Variants in ANKS1B observed in about 807,000 individuals in gnomAD.
The protein encoded by ANKS1B is ankyrin repeat and sterile alpha motif domain-containing protein 1B.
A neutral mutation model predicts 148.3 loss-of-function variants in ANKS1B; 36 were observed. The observed-to-expected ratio is 0.24, with a 90% CI of 0.19 to 0.32. The LOEUF (loss-of-function observed/expected upper bound fraction) is 0.32, where lower values mean the gene tolerates loss of function less well. Ranked by LOEUF, ANKS1B falls within the 10% of genes least tolerant of loss-of-function variation. ANKS1B has a pLI of 1.00. For synonymous variants in ANKS1B, 542 were observed against 560.8 expected, an observed-to-expected ratio of 0.97 and a Z score of 0.47; for missense variants, 1,157 against 1,542.6, an observed-to-expected ratio of 0.75 and a Z score of 4.19.
At chr12:99,051,992 T>C (rs1302148387) in intron 17 of ANKS1B, among the ~76,000 whole-genome samples, 2 of 152,238 alleles carry the variant, frequency 1.3e-5, no homozygotes, top group Non-Finnish European at 2.9e-5. Flanking sequence ...TTATTTGCTT[T>C]ATCTCTTAGT....
chr12:99,589,363 T>A (rs541636946), intron 9 of ANKS1B, among the ~76,000 whole-genome samples: 1 of 152,170 alleles, frequency 6.6e-6, no homozygotes, highest in Non-Finnish European at 1.5e-5. Flanking sequence ...TTTTATAAAC[T>A]AAAATTATTT....
chr12:99,115,879 C>T (rs2061270161), intron 15 of ANKS1B, among the ~76,000 whole-genome samples: 2 of 149,840 alleles, frequency 1.3e-5, no homozygotes, highest in Admixed American at 1.3e-4. Flanking sequence ...TTGCAGTGAG[C>T]CGAGATTGCA....
At chr12:99,347,844 A>AG (rs1164329801) in intron 12 of ANKS1B, among the ~76,000 whole-genome samples, 1 of 152,174 alleles carries the variant, frequency 6.6e-6, no homozygotes, top group East Asian at 1.9e-4. Flanking sequence ...AGGGAAAAAA[A>AG]GAAATGAATG....
chr12:99,814,691 C>T (rs1421767951), intron 2 of ANKS1B, among the ~76,000 whole-genome samples: 2 of 151,704 alleles, frequency 1.3e-5, no homozygotes, highest in African/African-American at 2.4e-5. Flanking sequence ...AATTAAGTAA[C>T]CTCTGTCTCT....
chr12:99,735,181 T>C (rs2059502388), intron 8 of ANKS1B, among the ~76,000 whole-genome samples: 1 of 152,092 alleles, frequency 6.6e-6, no homozygotes, highest in South Asian at 2.1e-4. Context: ...AGATTTCAAA[T>C]AATCAGTCTA....
chr12:99,132,621 G>T (rs1215792506), intron 15 of ANKS1B, among the ~76,000 whole-genome samples: 1 of 152,064 alleles, frequency 6.6e-6, no homozygotes, highest in Admixed American at 6.6e-5. Context: ...AAAAAAGGGG[G>T]GCTTGAGAGT....
intron 10 of ANKS1B, among the ~76,000 whole-genome samples, chr12:99,463,467 C>T (rs747452311): frequency 1.1e-4 from 17 of 152,202 alleles, no homozygotes; most frequent in East Asian, 3.9e-4. Context: ...ACACCGTGCG[C>T]GAGCCGAAGC....
At chr12:99,023,980 A>G (rs1321658122) in intron 17 of ANKS1B, among the ~76,000 whole-genome samples, 1 of 150,632 alleles carries the variant, frequency 6.6e-6, no homozygotes, top group Non-Finnish European at 1.5e-5. Flanking sequence ...TTAATTATAT[A>G]AAGATTACAT....
In ANKS1B at chr12:99,941,795, C is replaced by A. The variant is rs572018200; in HGVS notation, c.134+42309G>T. ...CTTTATTTCAGCCCTTTCAGAATAA[C>A]ACAATAAATGAAGAAAGGGAGAAGT... On this transcript the variant is annotated intron_variant, in intron 1 of 26. Coordinates refer to ENST00000683438, the MANE Select transcript of ANKS1B (RefSeq NM_001352186.2). Among the ~76,000 whole-genome samples, 6 of 152,190 alleles carry A rather than the reference C, an allele frequency of 3.9e-5. No homozygotes were observed. The South Asian group carries it at 1.0e-3, about 26-fold the overall frequency.
At chr12:99,647,176 C>A (rs1417859242) in intron 9 of ANKS1B, among the ~76,000 whole-genome samples, 3 of 152,008 alleles carry the variant, frequency 2.0e-5, no homozygotes, top group Non-Finnish European at 4.4e-5. Flanking sequence ...CTCACCTATA[C>A]TATGAGTTTG....
chr12:98,772,965 T>C, intron 25 of ANKS1B, 77 bp downstream of exon 25: 1 of 1,525,590 alleles, frequency 6.6e-7, no homozygotes, highest in South Asian at 1.2e-5. Flanking sequence ...AGTGTGTTAA[T>C]TATAAGTTGG....
intron 12 of ANKS1B, among the ~76,000 whole-genome samples, chr12:99,348,062 T>C (rs1469732021): frequency 6.6e-6 from 1 of 151,882 alleles, no homozygotes; most frequent in East Asian, 1.9e-4. Flanking sequence ...AAAAAATCTC[T>C]AGAAGGTTTC....
intron 9 of ANKS1B, among the ~76,000 whole-genome samples, chr12:99,579,717 A>G (rs1271321975): frequency 6.6e-6 from 1 of 152,128 alleles, no homozygotes; most frequent in Admixed American, 6.6e-5. Context: ...TTGCAAAGTT[A>G]CAGAGAAAAG....
chr12:99,665,370 T>C (rs1425874140), intron 8 of ANKS1B, among the ~76,000 whole-genome samples: 4 of 152,230 alleles, frequency 2.6e-5, no homozygotes, highest in Non-Finnish European at 5.9e-5. Context: ...ATAGTACTTT[T>C]AATATACATT....
At position 99,817,750 on chromosome 12, in the gene ANKS1B, C is replaced by T. The variant is rs138504074; in HGVS notation, c.216-5439G>A. Among the ~76,000 whole-genome samples, 3 of 151,802 alleles carry T rather than the reference C, an allele frequency of 2.0e-5. No individual in the cohort carries two copies. In the East Asian group the frequency reaches 5.8e-4, roughly 29 times the overall value. On this transcript the variant is annotated intron_variant, in intron 2 of 26. Transcript: ENST00000683438. ...TACTGTGATTTTGATTTGCATTTCC[C>T]TGATGATTAGTGAGGTTAAGCATTT...
chr12:99,738,738 A>G (rs1175582840), intron 8 of ANKS1B, among the ~76,000 whole-genome samples: 1 of 152,192 alleles, frequency 6.6e-6, no homozygotes, highest in Non-Finnish European at 1.5e-5. Flanking sequence ...TATTGAAGGA[A>G]GGATTGGCCC....
At chr12:99,505,870 C>T (rs10129019) in intron 9 of ANKS1B, among the ~76,000 whole-genome samples, 2 of 151,838 alleles carry the variant, frequency 1.3e-5, no homozygotes, top group South Asian at 4.1e-4. Flanking sequence ...TACACTTAAC[C>T]TACCAAACAG....
At chr12:99,710,040 G>A (rs925266549) in intron 8 of ANKS1B, among the ~76,000 whole-genome samples, 6 of 152,070 alleles carry the variant, frequency 3.9e-5, no homozygotes, top group Admixed American at 1.3e-4. Context: ...TTTCCATAAT[G>A]GGGCTCATTC....
intron 8 of ANKS1B, among the ~76,000 whole-genome samples, chr12:99,680,999 C>A (rs2098611846): frequency 6.6e-6 from 1 of 152,138 alleles, no homozygotes; most frequent in Admixed American, 6.5e-5. Flanking sequence ...CAAGTCCTGC[C>A]CAAGGAGAGT....
Sources: gnomAD v4.1 joint callset for allele counts (sites outside exome capture counted in the v4.1 genomes callset) on GRCh38, gnomAD v4.1.1 for gene constraint, MANE v1.5 for transcripts, NCBI Gene and HGNC (gene_info 2026-07-23, HGNC 2026-07-21) for gene names.